The following UBR1 variants were observed in gnomAD, a reference collection of about 807,000 sequenced individuals.
The protein encoded by UBR1 is E3 ubiquitin-protein ligase UBR1.
In UBR1, 102 loss-of-function variants were observed where a neutral mutation model predicts 242.1. The observed-to-expected ratio is 0.42, with a 90% CI of 0.36 to 0.50. UBR1 has a LOEUF of 0.50. UBR1 is among the 20% of genes least tolerant of loss of function. The probability of loss-of-function intolerance (pLI) is 0.01; values close to 1 mark genes in which losing one functional copy is unlikely to be tolerated. For missense variants in UBR1, 1,772 were observed against 2,101.8 expected (o/e 0.84, Z 3.07); for synonymous variants, 675 against 684.8 (o/e 0.99, Z 0.22).
chr15:43,009,565 T>C (rs2032886510), intron 29 of UBR1, among the ~76,000 whole-genome samples: 1 of 152,222 alleles, frequency 6.6e-6, no homozygotes, highest in South Asian at 2.1e-4. Context: ...AAGGTGCCAC[T>C]GGCCACAGAG....
chr15:43,029,815 T>C (rs1449073063), intron 21 of UBR1, 129 bp downstream of exon 21: 1 of 999,892 alleles, frequency 1.0e-6, no homozygotes, highest in Admixed American at 2.1e-5. Context: ...ATGAAGGTGA[T>C]TGGTTTACAT....
intron 42 of UBR1, among the ~76,000 whole-genome samples, chr15:42,961,250 C>T (rs967788206): frequency 6.6e-6 from 1 of 151,418 alleles, no homozygotes; most frequent in Non-Finnish European, 1.5e-5. Flanking sequence ...GTAGCTGGGA[C>T]TACAAGCACA....
intron 1 of UBR1, among the ~76,000 whole-genome samples, chr15:43,088,623 G>C (rs1012728555): frequency 1.3e-5 from 2 of 151,794 alleles, no homozygotes; most frequent in Non-Finnish European, 2.9e-5. Flanking sequence ...AGCCTCCCAA[G>C]TAGCTGGGTT....
intron 21 of UBR1, among the ~76,000 whole-genome samples, chr15:43,028,273 C>A (rs2033202843): frequency 6.6e-6 from 1 of 152,054 alleles, no homozygotes; most frequent in Non-Finnish European, 1.5e-5. Context: ...GTCTAGATGT[C>A]CTAATATATT....
chr15:42,962,273 C>T (rs2032035972), intron 42 of UBR1, among the ~76,000 whole-genome samples: 1 of 152,050 alleles, frequency 6.6e-6, no homozygotes, highest in African/African-American at 2.4e-5. Flanking sequence ...AGAAGCCAAC[C>T]ATGAGACAAA....
intron 24 of UBR1, 120 bp from the exon 25 acceptor site, chr15:43,025,103 C>G: frequency 7.8e-7 from 1 of 1,280,624 alleles, no homozygotes; most frequent in Non-Finnish European, 1.1e-6. Context: ...ACAACACATG[C>G]TTTTTTGCTA....
At chr15:43,024,073 T>G (rs1375583519) in intron 25 of UBR1, among the ~76,000 whole-genome samples, 1 of 152,196 alleles carries the variant, frequency 6.6e-6, no homozygotes, top group East Asian at 1.9e-4. Context: ...ATACAAAACT[T>G]TAACAATGCT....
intron 44 of UBR1, among the ~76,000 whole-genome samples, chr15:42,955,575 C>T (rs182116108): frequency 1.3e-5 from 2 of 152,244 alleles, no homozygotes; most frequent in African/African-American, 4.8e-5. Flanking sequence ...ATGTGGTTTG[C>T]TATGGGAGGT....
chr15:42,987,298 C>T (rs545759252), intron 35 of UBR1, among the ~76,000 whole-genome samples: 5 of 151,292 alleles, frequency 3.3e-5, no homozygotes, highest in African/African-American at 4.8e-5. Flanking sequence ...CTGAGGGCAC[C>T]GGTAGGGGGT....
At chr15:43,088,492 T>G (rs943545480) in intron 1 of UBR1, among the ~76,000 whole-genome samples, 2 of 151,666 alleles carry the variant, frequency 1.3e-5, no homozygotes, top group East Asian at 1.9e-4. Context: ...ATTTGGGCTT[T>G]CTTTCTTTCT....
chr15:43,045,054 T>C (rs1018644342), intron 14 of UBR1, among the ~76,000 whole-genome samples: 40 of 152,282 alleles, frequency 2.6e-4, no homozygotes, highest in African/African-American at 9.6e-4. Flanking sequence ...GGCTCTGAGA[T>C]TTCCCATATG....
At chr15:42,971,490 G>A (rs1170221220) in intron 39 of UBR1, among the ~76,000 whole-genome samples, 2 of 152,098 alleles carry the variant, frequency 1.3e-5, no homozygotes, top group African/African-American at 2.4e-5. Flanking sequence ...TTTGCTGTGA[G>A]GTATAGTTAT....
chr15:43,076,702 G>A (rs1399049119), intron 3 of UBR1, among the ~76,000 whole-genome samples: 1 of 143,634 alleles, frequency 7.0e-6, no homozygotes, highest in African/African-American at 2.6e-5. Context: ...GAGCCCCTCC[G>A]TCCGGCAGCC....
At position 43,024,947 on chromosome 15, in the gene UBR1, G is replaced by A. The variant is rs1016115192; in HGVS notation, c.2621C>T (p.Ala874Val). The A allele has an allele frequency of 1.9e-6, 3 of 1,614,216 alleles. No individual in the cohort carries two copies. The highest frequency in any genetic ancestry group is 2.5e-6 in the Non-Finnish European group (3 of 1,180,044). The change falls in exon 25 of 47, where the codon GCT (alanine) becomes GTT (valine). Residue 874 changes from alanine to valine, a missense_variant. Ala to Val is a moderately conservative substitution (Grantham distance 64). Transcript: ENST00000290650. Reference protein sequence around the residue: ...PPPPPPEFCPAFSKVINLLNC... With the variant: ...PPPPPPEFCPVFSKVINLLNC... ...GAGAAGGTTAATCACTTTGCTGAAA[G>A]CAGGGCAGAATTCAGGAGGTGGTGG...
intron 15 of UBR1, among the ~76,000 whole-genome samples, chr15:43,040,743 T>A (rs2033407098): frequency 6.6e-6 from 1 of 152,012 alleles, no homozygotes. Flanking sequence ...CAAACAAATT[T>A]ACAAGAAAAA....
intron 32 of UBR1, among the ~76,000 whole-genome samples, chr15:43,000,418 A>G (rs1339112206): frequency 1.3e-5 from 2 of 152,258 alleles, no homozygotes; most frequent in African/African-American, 2.4e-5. Flanking sequence ...CTGTTAGAGA[A>G]CAATTTACAT....
At chr15:43,022,533 G>C (rs946724903) in intron 26 of UBR1, among the ~76,000 whole-genome samples, 169 bp downstream of exon 26, 2 of 151,776 alleles carry the variant, frequency 1.3e-5, no homozygotes, top group Non-Finnish European at 2.9e-5. Context: ...GAAAATATTA[G>C]TTACAAACTA....
chr15:43,002,294 G>A (rs1469374173), intron 32 of UBR1, among the ~76,000 whole-genome samples: 1 of 152,100 alleles, frequency 6.6e-6, no homozygotes, highest in Non-Finnish European at 1.5e-5. Flanking sequence ...ACTCACTGGA[G>A]CTTCAATCTC....
chr15:43,073,139 C>T lies in UBR1; in HGVS notation c.528+1840G>A, dbSNP rs531923911. 6.6e-5 allele frequency among the ~76,000 whole-genome samples: 10 copies of T among 151,878 alleles called. No individual in the cohort carries two copies. In the East Asian group the frequency reaches 1.5e-3, roughly 24 times the overall value. ...TCATACCACTGTACTTCAGCCTGGG[C>T]GACTCTGTCTCAAAAAAACAAAAAA... On this transcript the variant is annotated intron_variant, in intron 4 of 46. Transcript: ENST00000290650.
Sources: gnomAD v4.1 joint callset for allele counts (sites outside exome capture counted in the v4.1 genomes callset) on GRCh38, gnomAD v4.1.1 for gene constraint, MANE v1.5 for transcripts, NCBI Gene and HGNC (gene_info 2026-07-23, HGNC 2026-07-21) for gene names.